SLC35D2: variants seen among roughly 807,000 people sequenced by gnomAD.
SLC35D2 encodes the protein solute carrier family 35 member D2.
Under a neutral mutation model 41.8 loss-of-function variants are expected in SLC35D2, and 43 were observed. The observed-to-expected ratio is 1.03, with a 90% confidence interval of 0.81 to 1.33. The LOEUF (loss-of-function observed/expected upper bound fraction) is 1.33. Among genes scored for constraint, SLC35D2 ranks in the 40% most tolerant of loss-of-function variants. The pLI, the probability that SLC35D2 is intolerant of heterozygous loss-of-function variation, is 0.00. For synonymous variants in SLC35D2, 150 were observed against 163.9 expected, an observed-to-expected ratio of 0.92 and a Z score of 0.65; for missense variants, 380 against 408.4, an observed-to-expected ratio of 0.93 and a Z score of 0.60.
intron 9 of SLC35D2, among the ~76,000 whole-genome samples, chr9:96,333,106 C>T (rs1487263695): frequency 1.3e-5 from 2 of 150,580 alleles, no homozygotes; most frequent in Non-Finnish European, 3.0e-5. Flanking sequence ...ACCATGTTGG[C>T]CAGGCTGGTC....
intron 9 of SLC35D2, among the ~76,000 whole-genome samples, chr9:96,326,233 C>T (rs1266367204): frequency 6.6e-6 from 1 of 152,162 alleles, no homozygotes; most frequent in Non-Finnish European, 1.5e-5. Context: ...AAGCAATCTA[C>T]TAGCTTTGTT....
At chr9:96,335,779 C>T (rs1183413319) in intron 9 of SLC35D2, among the ~76,000 whole-genome samples, 1 of 152,050 alleles carries the variant, frequency 6.6e-6, no homozygotes, top group Non-Finnish European at 1.5e-5. Context: ...CGGGGCCAGG[C>T]GCGGTGGCTC....
rs145722599 is a variant in SLC35D2, at chr9:96,336,769, G to C, written c.700C>G (p.Gln234Glu). The C allele has an allele frequency of 1.9e-6, 3 of 1,578,880 alleles. No homozygotes were observed. The highest frequency in any genetic ancestry group is 2.7e-5 in the African/African-American group (2 of 74,166). The stretch of plus-strand genomic sequence containing the variant: ...AGGATAAACACAACATTCTTCCATT[G>C]GTTGAATTCAGTAGCCTATTATTAA... ...GDLQQATEFNQWKNVVFILQF... is the reference protein window; with the variant it reads ...GDLQQATEFNEWKNVVFILQF... The change falls in exon 9 of 12, where the codon CAA (glutamine) becomes GAA (glutamate). Residue 234 changes from glutamine (Q) to glutamate (E), a missense_variant. Gln to Glu is a conservative substitution (Grantham distance 29). Coordinates refer to ENST00000253270, the MANE Select transcript of SLC35D2 (RefSeq NM_007001.3).
At chr9:96,365,942 T>G (rs1830455743) in intron 2 of SLC35D2, among the ~76,000 whole-genome samples, 1 of 152,162 alleles carries the variant, frequency 6.6e-6, no homozygotes, top group African/African-American at 2.4e-5. Flanking sequence ...TATATTTATG[T>G]AATTAAGCCC....
At chr9:96,356,701 T>G (rs1830042419) in intron 4 of SLC35D2, among the ~76,000 whole-genome samples, 1 of 142,632 alleles carries the variant, frequency 7.0e-6, no homozygotes, top group African/African-American at 2.5e-5. Context: ...AAATGCTATC[T>G]CTACAAAAAA....
At chr9:96,379,981 T>A (rs886427304) in intron 1 of SLC35D2, among the ~76,000 whole-genome samples, 1 of 143,582 alleles carries the variant, frequency 7.0e-6, no homozygotes, top group African/African-American at 2.6e-5. Context: ...CACCACAACC[T>A]CCGCCTCCCA....
intron 8 of SLC35D2, among the ~76,000 whole-genome samples, chr9:96,340,221 T>C (rs1418374629): frequency 6.6e-6 from 1 of 152,160 alleles, no homozygotes; most frequent in African/African-American, 2.4e-5. Flanking sequence ...CTCACTGTTG[T>C]TTTTTGCTTT....
chr9:96,321,684 G>A lies in SLC35D2; in HGVS notation c.914+314C>T, dbSNP rs115344895. ...GCTTAGTCCACACCCCCTGCATGCC[G>A]AGCCTAGTGGGCACAAAGGTTAACA... On this transcript the variant is annotated intron_variant, in intron 11 of 11. Coordinates refer to ENST00000253270, the MANE Select transcript of SLC35D2 (RefSeq NM_007001.3). Among the ~76,000 whole-genome samples, 379 of 152,196 alleles carry A rather than the reference G, an allele frequency of 2.5e-3. 3 individuals are homozygous for A. The highest frequency in any genetic ancestry group is 8.2e-3 in the African/African-American group (340 of 41,542).
intron 8 of SLC35D2, among the ~76,000 whole-genome samples, chr9:96,337,594 C>A (rs1483292084): frequency 6.6e-6 from 1 of 152,092 alleles, no homozygotes; most frequent in Non-Finnish European, 1.5e-5. Flanking sequence ...CTTGCACATG[C>A]TTAGGAAGTA....
At chr9:96,357,288 C>G (rs1207868640) in intron 4 of SLC35D2, 1 of 152,194 alleles carries the variant, frequency 6.6e-6, no homozygotes, top group African/African-American at 2.4e-5. Context: ...GGAAAAAGAA[C>G]AGTCTTTTCA....
intron 6 of SLC35D2, 58 bp downstream of exon 6, chr9:96,351,045 T>C: frequency 8.0e-7 from 1 of 1,249,404 alleles, no homozygotes; most frequent in Admixed American, 1.7e-5. Flanking sequence ...AGGATGGGGC[T>C]GGGCCTATTG....
rs776665954 is a variant in SLC35D2, at chr9:96,345,366, A to C, written c.524T>G (p.Phe175Cys). 1 of 1,609,542 alleles carries C rather than the reference A, an allele frequency of 6.2e-7. No homozygotes were observed. The change falls in exon 7 of 12, where the codon TTT becomes TGT. Residue 175 changes from phenylalanine (F) to cysteine (C), a missense_variant. Coordinates refer to ENST00000253270, the MANE Select transcript of SLC35D2 (RefSeq NM_007001.3). The stretch of plus-strand genomic sequence containing the variant: ...TGTGAAGATATCATTCAGGAATACA[A>C]AAATATAGCCTTCTAAGTTAAAAGC... ...DLAFNLEGYI[F>C]VFLNDIFTAA... is the part of the protein sequence containing the mutation.
chr9:96,329,119 CT>C (rs1228964816), intron 9 of SLC35D2, among the ~76,000 whole-genome samples: 1 of 150,804 alleles, frequency 6.6e-6, no homozygotes, highest in Non-Finnish European at 1.5e-5. Flanking sequence ...TTATTTATGT[CT>C]TTTAAAGGAC....
chr9:96,356,012 G>A (rs1415498082), intron 4 of SLC35D2, among the ~76,000 whole-genome samples: 3 of 152,186 alleles, frequency 2.0e-5, no homozygotes, highest in African/African-American at 7.2e-5. Context: ...GGAGCCTGGT[G>A]GGCAATGTTT....
At chr9:96,317,716 A>G (rs969251464), downstream of SLC35D2, among the ~76,000 whole-genome samples, 2 of 152,174 alleles carry the variant, frequency 1.3e-5, no homozygotes, top group Non-Finnish European at 2.9e-5. Context: ...TTGATGCAAC[A>G]GGAGGTAGTT....
intron 1 of SLC35D2, among the ~76,000 whole-genome samples, chr9:96,378,186 C>A (rs1415326507): frequency 6.6e-6 from 1 of 151,774 alleles, no homozygotes; most frequent in East Asian, 1.9e-4. Flanking sequence ...GTAATCCCAG[C>A]ACTTTAGGAG....
At chr9:96,352,153 T>G (rs1355532740) in intron 4 of SLC35D2, 44 bp from the exon 5 acceptor site, 2 of 1,365,488 alleles carry the variant, frequency 1.5e-6, no homozygotes, top group Non-Finnish European at 2.1e-6. Flanking sequence ...AAGGGTTGGT[T>G]GATTGGTTTT....
intron 7 of SLC35D2, among the ~76,000 whole-genome samples, chr9:96,344,485 C>T (rs1269329038): frequency 9.2e-6 from 1 of 109,130 alleles, no homozygotes; most frequent in Non-Finnish European, 1.7e-5. Flanking sequence ...GACAACAAAC[C>T]TGTTTTTGCA....
At chr9:96,356,031 G>A (rs986183494) in intron 4 of SLC35D2, among the ~76,000 whole-genome samples, 5 of 152,186 alleles carry the variant, frequency 3.3e-5, no homozygotes, top group African/African-American at 4.8e-5. Context: ...TTCAGCTGTG[G>A]GGGCTGATTC....
Sources: allele counts gnomAD v4.1 joint callset (sites outside exome capture counted in the v4.1 genomes callset), GRCh38; gene constraint gnomAD v4.1.1; transcripts MANE v1.5; gene names NCBI Gene and HGNC (gene_info 2026-07-23, HGNC 2026-07-21).